Variants in TENM2 observed in about 807,000 individuals in gnomAD.
TENM2 encodes the protein teneurin-2.
In TENM2, 52 loss-of-function variants were observed where a neutral mutation model predicts 245.2. The ratio of observed to expected loss-of-function variants is 0.21; its 90% CI spans 0.17 to 0.27. The LOEUF is 0.27. TENM2 is among the 10% of genes least tolerant of loss of function. The probability of loss-of-function intolerance (pLI) is 1.00; values close to 1 mark genes in which losing one functional copy is unlikely to be tolerated. For synonymous variants in TENM2, 1,363 were observed against 1,438.9 expected (o/e 0.95, Z 1.19); for missense variants, 3,046 against 3,666.8 (o/e 0.83, Z 4.37).
chr5:167,709,804 C>T (rs796665661), intron 2 of TENM2, among the ~76,000 whole-genome samples: 9 of 151,662 alleles, frequency 5.9e-5, no homozygotes, highest in Admixed American at 2.0e-4. Context: ...AAACCAAAAG[C>T]GAGAGTGAGA....
rs939007492 is a variant in TENM2, at chr5:167,869,079, T to A, written c.503-6907T>A. On this transcript the variant is annotated intron_variant, in intron 2 of 28. Coordinates refer to ENST00000518659, the Ensembl canonical transcript of TENM2. Reference sequence around the variant, plus strand: ...GTAGAGTAAGTGGAAGGGCTCAGTCTGCTGGACTCTGAATTCTGTGTTCTC... The same window carrying A: ...GTAGAGTAAGTGGAAGGGCTCAGTCAGCTGGACTCTGAATTCTGTGTTCTC... Among the ~76,000 whole-genome samples the A allele has an allele frequency of 3.9e-5, 6 of 152,356 alleles. No homozygotes were observed. The East Asian group carries it at 9.6e-4, about 24-fold the overall frequency.
chr5:167,546,412 C>T (rs1772564167), intron 2 of TENM2, among the ~76,000 whole-genome samples: 3 of 152,168 alleles, frequency 2.0e-5, no homozygotes, highest in Non-Finnish European at 4.4e-5. Context: ...AGACTGTGAA[C>T]TTTATGCTGC....
intron 2 of TENM2, among the ~76,000 whole-genome samples, chr5:167,806,533 C>T (rs1009941543): frequency 3.9e-5 from 6 of 152,034 alleles, no homozygotes; most frequent in African/African-American, 7.2e-5. Context: ...CCTTTCACTA[C>T]GTGGTAATGA....
intron 2 of TENM2, among the ~76,000 whole-genome samples, chr5:167,831,671 C>T (rs1768509604): frequency 6.6e-6 from 1 of 152,048 alleles, no homozygotes; most frequent in Non-Finnish European, 1.5e-5. Context: ...ACCTTGCGGA[C>T]AGAAAGATCA....
At chr5:167,236,289 C>T in the TENM2 span, among the ~76,000 whole-genome samples, 8 of 152,026 alleles carry the variant, frequency 5.3e-5, no homozygotes, top group African/African-American at 7.2e-5. Context: ...TGTGTATGTG[C>T]GTGTATTTTA....
chr5:168,167,378 C>T (rs867730754), intron 13 of TENM2, among the ~76,000 whole-genome samples: 1 of 152,134 alleles, frequency 6.6e-6, no homozygotes. Context: ...CCCCACTCCC[C>T]TTTATCACCC....
chr5:168,190,755 T>G, intron 14 of TENM2: 1 of 479,270 alleles, frequency 2.1e-6, no homozygotes, highest in Non-Finnish European at 3.7e-6. Flanking sequence ...TTGCAGGATG[T>G]CAACATCTTT....
intron 3 of TENM2, among the ~76,000 whole-genome samples, chr5:167,950,538 A>T (rs1423094131): frequency 6.6e-6 from 1 of 151,826 alleles, no homozygotes; most frequent in Non-Finnish European, 1.5e-5. Flanking sequence ...TTGTGCACTG[A>T]CCCGCCCCAT....
intron 2 of TENM2, among the ~76,000 whole-genome samples, chr5:167,823,789 CAG>C (rs1767736296): frequency 6.6e-6 from 1 of 152,144 alleles, no homozygotes; most frequent in African/African-American, 2.4e-5. Context: ...TAAATAGCCA[CAG>C]ATACATTATT....
At chr5:166,993,619 A>C in the TENM2 span, among the ~76,000 whole-genome samples, 1 of 152,206 alleles carries the variant, frequency 6.6e-6, no homozygotes, top group Admixed American at 6.5e-5. Flanking sequence ...AGAGGAGAAA[A>C]GAAGAGTAAA....
At chr5:168,063,079 A>G (rs528415333) in intron 7 of TENM2, among the ~76,000 whole-genome samples, 14 of 152,330 alleles carry the variant, frequency 9.2e-5, no homozygotes, top group Non-Finnish European at 1.9e-4. Flanking sequence ...CAGCTTTACT[A>G]GGTTTAGGGG....
chr5:168,224,221 A>G (rs1168665119), intron 23 of TENM2, among the ~76,000 whole-genome samples: 1 of 152,180 alleles, frequency 6.6e-6, no homozygotes, highest in Admixed American at 6.5e-5. Flanking sequence ...CTAAGTCCCC[A>G]TCCCTGATTA....
the TENM2 span, among the ~76,000 whole-genome samples, chr5:167,185,280 T>C: frequency 6.6e-6 from 1 of 152,224 alleles, no homozygotes; most frequent in African/African-American, 2.4e-5. Flanking sequence ...ACACACCAGT[T>C]TCCCTTCTGC....
At chr5:167,280,764 A>G (rs113716059), upstream of TENM2, among the ~76,000 whole-genome samples, 21,296 of 114,622 alleles carry the variant, frequency 0.19, 1,946 homozygotes, top group Admixed American at 0.33. Context: ...CTGTCTATCT[A>G]TCTATCTATC....
intron 5 of TENM2, among the ~76,000 whole-genome samples, chr5:168,021,483 C>T (rs1432588041): frequency 6.6e-6 from 1 of 152,220 alleles, no homozygotes; most frequent in Admixed American, 6.5e-5. Flanking sequence ...AAACCCACAG[C>T]CTTCCTTTCC....
chr5:167,696,934 C>T (rs757705656), intron 2 of TENM2, among the ~76,000 whole-genome samples: 6 of 152,172 alleles, frequency 3.9e-5, no homozygotes, highest in Middle Eastern at 3.2e-3. Context: ...AAGCTCATCA[C>T]CTAACTTGGG....
the TENM2 span, among the ~76,000 whole-genome samples, chr5:167,158,001 A>G: frequency 2.6e-5 from 4 of 152,360 alleles, no homozygotes; most frequent in Admixed American, 1.3e-4. Context: ...ATGAGAGCAC[A>G]CATCAAGTCA....
At chr5:166,987,777 A>G in the TENM2 span, among the ~76,000 whole-genome samples, 3 of 152,164 alleles carry the variant, frequency 2.0e-5, no homozygotes, top group Non-Finnish European at 4.4e-5. Flanking sequence ...ATTTTTCATG[A>G]GCAATGAATC....
chr5:168,104,875 C>T (rs1309119636), intron 9 of TENM2, among the ~76,000 whole-genome samples: 1 of 152,166 alleles, frequency 6.6e-6, no homozygotes, highest in African/African-American at 2.4e-5. Context: ...CTTATTCGTA[C>T]ATTCAGTGAA....
Sources: gnomAD v4.1 joint callset for allele counts (sites outside exome capture counted in the v4.1 genomes callset) on GRCh38, gnomAD v4.1.1 for gene constraint, MANE v1.5 for transcripts, NCBI Gene and HGNC (gene_info 2026-07-23, HGNC 2026-07-21) for gene names.